ST8SIA3: variants seen among roughly 807,000 people sequenced by gnomAD.
ST8SIA3 encodes the protein ST8 alpha-N-acetyl-neuraminide alpha-2,8-sialyltransferase 3, also known as alpha-N-acetylneuraminate alpha-2,8-sialyltransferase ST8SIA3.
ST8SIA3 carries 17 observed loss-of-function variants against 34.5 expected under a neutral mutation model. The ratio of observed to expected loss-of-function variants is 0.49; its 90% confidence interval spans 0.34 to 0.74. The LOEUF (loss-of-function observed/expected upper bound fraction) is 0.74. ST8SIA3 is among the 30% of genes least tolerant of loss of function. The pLI is 0.01. For synonymous variants in ST8SIA3, 172 were observed against 176.1 expected (o/e 0.98, Z 0.19); for missense variants, 354 against 467.8 (o/e 0.76, Z 2.24).
rs1568104045 is a variant in ST8SIA3 at position 57,368,148 on chromosome 18, A to G, written c.*7871A>G. The G allele has an allele frequency of 1.3e-5, 2 of 152,240 alleles. 1 individual carries two copies. Among genetic ancestry groups the G allele is most frequent in the South Asian group, 4.1e-4 (2 of 4,828 alleles). The allele number at this position is 152,240 out of a possible 1,614,324, so 9.4% of individuals were successfully genotyped here. On this transcript the variant is annotated 3_prime_UTR_variant, in exon 4 of 4. Coordinates refer to ENST00000324000, the MANE Select transcript of ST8SIA3 (RefSeq NM_015879.3). ...GTCTCCCAACCACTGATTCTGCTACACCACACTGTGCTGCTTCCATTAGTT... is the reference window on the plus strand; with the variant it reads ...GTCTCCCAACCACTGATTCTGCTACGCCACACTGTGCTGCTTCCATTAGTT...
rs1289659484 is a variant in ST8SIA3 at position 57,367,451 on chromosome 18, T to C, written c.*7174T>C. 1 of 152,662 alleles carries C rather than the reference T, an allele frequency of 6.6e-6. No homozygotes were observed. Among genetic ancestry groups the C allele is most frequent in the Non-Finnish European group, 1.5e-5 (1 of 68,058 alleles). The allele number at this position is 152,662 out of a possible 1,614,324, so 9.5% of individuals were successfully genotyped here. On this transcript the variant is annotated 3_prime_UTR_variant, in exon 4 of 4. Coordinates refer to ENST00000324000, the MANE Select transcript of ST8SIA3 (RefSeq NM_015879.3). ...AAGTATGCCTTCACCCTCTGGCTCT[T>C]TTCCTGACACCAAACAGAGAAGTCC...
At position 57,367,668 on chromosome 18, in the gene ST8SIA3, T is replaced by C. The variant is rs1005421180; in HGVS notation, c.*7391T>C. On this transcript the variant is annotated 3_prime_UTR_variant, in exon 4 of 4. Coordinates refer to ENST00000324000, the MANE Select transcript of ST8SIA3 (RefSeq NM_015879.3). ...AACCTGCATAAGTGGAATAAAGTCA[T>C]TGAAGTACTTGCAAAAAGAAGAGGG... 1.3e-5 allele frequency: 2 copies of C among 152,302 alleles called. No homozygotes were observed. Among genetic ancestry groups the C allele is most frequent in the Admixed American group, 6.5e-5 (1 of 15,276 alleles). The allele number at this position is 152,302 out of a possible 1,614,324, so 9.4% of individuals were successfully genotyped here. A position where few individuals can be genotyped will look rare whatever the true frequency, so the allele number is the denominator to read the frequency against.
In ST8SIA3 at chr18:57,368,361, A is replaced by G. The variant is rs1007365825; in HGVS notation, c.*8084A>G. On this transcript the variant is annotated 3_prime_UTR_variant, in exon 4 of 4. Coordinates refer to ENST00000324000, the MANE Select transcript of ST8SIA3 (RefSeq NM_015879.3). ...AGTAATGATGAAACCAAAAGGTCAAAAAGTAGAAGAATAGCGAATGTAAGT... is the reference window on the plus strand; with the variant it reads ...AGTAATGATGAAACCAAAAGGTCAAGAAGTAGAAGAATAGCGAATGTAAGT... The G allele has an allele frequency of 5.9e-5, 9 of 152,248 alleles. No individual in the cohort carries two copies. Among genetic ancestry groups the G allele is most frequent in the Non-Finnish European group, 1.3e-4 (9 of 68,038 alleles). 9.4% of individuals were successfully genotyped at this position (152,248 alleles called of 1,614,324 possible). A position where few individuals can be genotyped will look rare whatever the true frequency, so the allele number is the denominator to read the frequency against.
In ST8SIA3 at chr18:57,352,937, G is replaced by A; in HGVS notation, c.91G>A (p.Val31Met). The change falls in exon 1 of 4, where the codon GTG becomes ATG. Residue 31 changes from valine (V) to methionine (M), a missense_variant. Val to Met is a conservative substitution (Grantham distance 21). Around this residue, in one of 3 missense-constraint regions of ST8SIA3, gnomAD observed 184 missense variants for 205.4 expected, o/e 0.90. Coordinates refer to ENST00000324000, the MANE Select transcript of ST8SIA3 (RefSeq NM_015879.3). ...ALLILSLISY[V>M]SLKKENIFTT... ...GCTGATTTTATCGCTCATCAGCTACGTGTCCCTGAAAAAGGAGAACATCTT... is the reference window on the plus strand; with the variant it reads ...GCTGATTTTATCGCTCATCAGCTACATGTCCCTGAAAAAGGAGAACATCTT... 1 of 1,613,570 alleles carries A rather than the reference G, an allele frequency of 6.2e-7. No homozygotes were observed. The highest frequency in any genetic ancestry group is 8.5e-7 in the Non-Finnish European group (1 of 1,179,954).
Position 57,352,769 on chromosome 18 carries a change from C to CACACACACACACAT in ST8SIA3, c.-77_-76insCACACACACACATA. On this transcript the variant is annotated 5_prime_UTR_variant, in exon 1 of 4. Coordinates refer to ENST00000324000, the MANE Select transcript of ST8SIA3 (RefSeq NM_015879.3). ...ACACACACACACACACACACACACA[C>CACACACACACACAT]ATATATACACGCCAGCGAGCTGCTG... 2.9e-6 allele frequency: 3 copies of CACACACACACACAT among 1,024,964 alleles called. No homozygotes were observed. The highest frequency in any genetic ancestry group is 4.4e-6 in the Non-Finnish European group (3 of 686,504). The allele number at this position is 1,024,964 out of a possible 1,614,324, so 63.5% of individuals were successfully genotyped here.
rs2049869951 is a variant in ST8SIA3, at chr18:57,367,945, C to T, written c.*7668C>T. ...ACAAATGTATGGAAACATCGCAATACACTATCATTTACTCACATGGGACAA... is the reference window on the plus strand; with the variant it reads ...ACAAATGTATGGAAACATCGCAATATACTATCATTTACTCACATGGGACAA... On this transcript the variant is annotated 3_prime_UTR_variant, in exon 4 of 4. Coordinates refer to ENST00000324000, the MANE Select transcript of ST8SIA3 (RefSeq NM_015879.3). 1 of 152,650 alleles carries T rather than the reference C, an allele frequency of 6.6e-6. No homozygotes were observed. The highest frequency in any genetic ancestry group is 6.5e-5 in the Admixed American group (1 of 15,286). 9.5% of individuals were successfully genotyped at this position (152,650 alleles called of 1,614,324 possible).
Position 57,357,327 on chromosome 18 carries a change from C to T in ST8SIA3, c.717C>T (p.Asp239=), listed in dbSNP as rs150038577. 83 of 1,613,716 alleles carry T rather than the reference C, an allele frequency of 5.1e-5. No homozygotes were observed. The highest frequency in any genetic ancestry group is 1.6e-4 in the Middle Eastern group (1 of 6,084). The change falls in exon 3 of 4, where the codon GAC becomes GAT. Residue 239 remains aspartate (D), a synonymous_variant. Coordinates refer to ENST00000324000, the MANE Select transcript of ST8SIA3 (RefSeq NM_015879.3). ...TTTTCCTCAGTTTAAAAAAGCTTGA[C>T]GGGGCCATTCTTTGGATCCCTGCAT... ...NNFFLSLKKL[D]GAILWIPAFF...
In ST8SIA3 at chr18:57,362,142, C is replaced by A. The variant is rs1245451470; in HGVS notation, c.*1865C>A. The A allele has an allele frequency of 6.6e-6, 1 of 152,168 alleles. No individual in the cohort carries two copies. Among genetic ancestry groups the A allele is most frequent in the African/African-American group, 2.4e-5 (1 of 41,442 alleles). 9.4% of individuals were successfully genotyped at this position (152,168 alleles called of 1,614,324 possible). A position where few individuals can be genotyped will look rare whatever the true frequency, so the allele number is the denominator to read the frequency against. On this transcript the variant is annotated 3_prime_UTR_variant, in exon 4 of 4. Transcript: ENST00000324000. ...TAATTATAAGGGGAGACATTAAAAACATTTTGTAATTCAGTGGTATAATTT... is the reference window on the plus strand; with the variant it reads ...TAATTATAAGGGGAGACATTAAAAAAATTTTGTAATTCAGTGGTATAATTT...
intron 1 of ST8SIA3, among the ~76,000 whole-genome samples, chr18:57,354,082 C>T (rs1329774813): frequency 1.3e-5 from 2 of 152,256 alleles, no homozygotes; most frequent in African/African-American, 4.8e-5. Flanking sequence ...CCGCTGTCCG[C>T]GGTGCTGATT....
chr18:57,352,983 GCCC>G lies in ST8SIA3; in HGVS notation c.138_140del (p.Ser46_Pro47delinsArg), dbSNP rs748885450. ...ATCTTCACCACTCCCAAGTACGCCA[GCCC>G]GGGGGCGCCCCGAATGTACATGTTC... is the stretch of plus-strand genomic sequence containing the variant. On this transcript the variant is annotated inframe_deletion, in exon 1 of 4. Transcript: ENST00000324000. 6 of 1,611,804 alleles carry G rather than the reference GCCC, an allele frequency of 3.7e-6. 1 individual carries two copies. In the South Asian group the frequency reaches 6.6e-5, roughly 18 times the overall value.
intron 2 of ST8SIA3, among the ~76,000 whole-genome samples, chr18:57,355,285 G>C (rs1323752212): frequency 2.0e-5 from 3 of 152,110 alleles, no homozygotes; most frequent in Non-Finnish European, 4.4e-5. Flanking sequence ...CTTCCTTCAT[G>C]GTGGGATTAT....
Position 57,358,475 on chromosome 18 carries a change from A to G in ST8SIA3, c.860+1005A>G, listed in dbSNP as rs1024974617. On this transcript the variant is annotated intron_variant, in intron 3 of 3. Coordinates refer to ENST00000324000, the MANE Select transcript of ST8SIA3 (RefSeq NM_015879.3). ...CCATCCCGTAGCCTCTTAAGATGTA[A>G]GATCTGTTTAGTTGACCTCTCATAG... 2.6e-5 allele frequency among the ~76,000 whole-genome samples: 4 copies of G among 152,294 alleles called. No individual in the cohort carries two copies. In the East Asian group the frequency reaches 7.7e-4, roughly 29 times the overall value.
At chr18:57,357,896 T>C (rs1252382060) in intron 3 of ST8SIA3, among the ~76,000 whole-genome samples, 1 of 152,250 alleles carries the variant, frequency 6.6e-6, no homozygotes, top group Non-Finnish European at 1.5e-5. Flanking sequence ...GTTTTGTAGA[T>C]GTCCAAGGTT....
chr18:57,356,156 C>T (rs1203674343), intron 2 of ST8SIA3, among the ~76,000 whole-genome samples: 2 of 152,088 alleles, frequency 1.3e-5, no homozygotes, highest in Admixed American at 6.6e-5. Context: ...ATGAAAGCAA[C>T]GTGAAATTAG....
intron 1 of ST8SIA3, among the ~76,000 whole-genome samples, chr18:57,353,751 G>T (rs1427211726): frequency 6.6e-6 from 1 of 152,142 alleles, no homozygotes; most frequent in Non-Finnish European, 1.5e-5. Context: ...CCCCCGCCCC[G>T]CTCTGTGACC....
intron 1 of ST8SIA3, among the ~76,000 whole-genome samples, chr18:57,353,250 T>G (rs2144196496): frequency 6.6e-6 from 1 of 152,270 alleles, no homozygotes; most frequent in Middle Eastern, 3.4e-3. Flanking sequence ...GTGATTGCAT[T>G]TCTCGTATTC....
chr18:57,354,858 A>T (rs574635289), intron 2 of ST8SIA3, among the ~76,000 whole-genome samples: 3 of 83,890 alleles, frequency 3.6e-5, no homozygotes, highest in South Asian at 4.5e-4. Context: ...CCATCTATTT[A>T]AAAAAAAAAA....
rs1341961019 is a variant in ST8SIA3, at chr18:57,363,021, C to G, written c.*2744C>G. ...CCTCTTTCAGCTACAGACACATGCC[C>G]TGGCTTTTGCATTGACCTTGCTTTG... On this transcript the variant is annotated 3_prime_UTR_variant, in exon 4 of 4. Coordinates refer to ENST00000324000, the MANE Select transcript of ST8SIA3 (RefSeq NM_015879.3). 1 of 152,306 alleles carries G rather than the reference C, an allele frequency of 6.6e-6. No individual in the cohort carries two copies. The highest frequency in any genetic ancestry group is 1.5e-5 in the Non-Finnish European group (1 of 68,126). The allele number at this position is 152,306 out of a possible 1,614,324, so 9.4% of individuals were successfully genotyped here. A position where few individuals can be genotyped will look rare whatever the true frequency, so the allele number is the denominator to read the frequency against.
In ST8SIA3 at chr18:57,354,412, G is replaced by T; in HGVS notation, c.190G>T (p.Ala64Ser). ...CATGCTCCTCTCCAGGTCACAATTT[G>T]CGCTGAAGTTTCTAGACCCGTCATT... ...MFHAGFRSQF[A>S]LKFLDPSFVP... Residue 64 changes from alanine to serine, a missense_variant, in exon 2 of 4, where the codon GCG becomes TCG. By Grantham distance (99) the Ala-to-Ser change is moderately conservative. Around this residue, in one of 3 missense-constraint regions of ST8SIA3, gnomAD observed 184 missense variants for 205.4 expected, o/e 0.90. Coordinates refer to ENST00000324000, the MANE Select transcript of ST8SIA3 (RefSeq NM_015879.3). The T allele has an allele frequency of 6.2e-7, 1 of 1,614,058 alleles. No individual in the cohort carries two copies. The highest frequency in any genetic ancestry group is 8.5e-7 in the Non-Finnish European group (1 of 1,179,962).
Sources: allele counts gnomAD v4.1 joint callset (sites outside exome capture counted in the v4.1 genomes callset), GRCh38; gene constraint gnomAD v4.1.1; regional missense constraint gnomAD v4.1.1; transcripts MANE v1.5; gene names NCBI Gene and HGNC (gene_info 2026-07-23, HGNC 2026-07-21).